CACNA1B: variants seen among roughly 807,000 people sequenced by gnomAD.
CACNA1B encodes the protein calcium voltage-gated channel subunit alpha1 B.
Under a neutral mutation model 247.2 loss-of-function variants are expected in CACNA1B, and 70 were observed. That is an observed-to-expected ratio of 0.28 (90% CI 0.23 to 0.35). CACNA1B has a LOEUF of 0.35. Ranked by LOEUF, CACNA1B falls within the 10% of genes least tolerant of loss-of-function variation. The pLI, the probability that CACNA1B is intolerant of heterozygous loss-of-function variation, is 1.00. For missense variants in CACNA1B, 2,367 were observed against 3,197.4 expected, an observed-to-expected ratio of 0.74 and a Z score of 6.26; for synonymous variants, 1,231 against 1,294.4, an observed-to-expected ratio of 0.95 and a Z score of 1.05.
intron 10 of CACNA1B, among the ~76,000 whole-genome samples, chr9:137,961,485 ATG>A (rs1784984778): frequency 3.3e-5 from 5 of 152,186 alleles, no homozygotes; most frequent in Admixed American, 6.5e-5. Flanking sequence ...CCCATTCATG[ATG>A]ATATTGGCTA....
chr9:137,970,136 CAT>C lies in CACNA1B; in HGVS notation c.1334-1244_1334-1243del, dbSNP rs552990472. On this transcript the variant is annotated intron_variant, in intron 10 of 46. Transcript: ENST00000371372. ...GCCACTGAGAACCTGGGTGTGCACACATATGCATGTGTGTACAAACACACAGA... is the reference window on the plus strand; with the variant it reads ...GCCACTGAGAACCTGGGTGTGCACACATGCATGTGTGTACAAACACACAGA... Among the ~76,000 whole-genome samples the C allele has an allele frequency of 1.1e-4, 17 of 152,308 alleles. 1 individual carries two copies. In the South Asian group the frequency reaches 3.5e-3, roughly 32 times the overall value.
intron 15 of CACNA1B, among the ~76,000 whole-genome samples, chr9:138,003,983 A>C (rs933892459): frequency 2.6e-5 from 4 of 152,010 alleles, no homozygotes; most frequent in African/African-American, 9.7e-5. Flanking sequence ...TGACAGTGCC[A>C]TGGGTGGTGT....
At position 137,881,519 on chromosome 9, in the gene CACNA1B, C is replaced by A. The variant is rs1009298354; in HGVS notation, c.391-1225C>A. Among the ~76,000 whole-genome samples, 5 of 152,154 alleles carry A rather than the reference C, an allele frequency of 3.3e-5. No homozygotes were observed. Among genetic ancestry groups the A allele is most frequent in the African/African-American group, 9.7e-5 (4 of 41,438 alleles). On this transcript the variant is annotated intron_variant, in intron 2 of 46. Coordinates refer to ENST00000371372, the MANE Select transcript of CACNA1B (RefSeq NM_000718.4). This position sits in a 1 kb window ranked among gnomAD's most constrained non-coding sequence, Gnocchi z 4.3. ...TGACTTCCACAGTCCTGAAGACGAACCCTCAGGGGAGGCCCTTGAAGCTGG... is the reference window on the plus strand; with the variant it reads ...TGACTTCCACAGTCCTGAAGACGAAACCTCAGGGGAGGCCCTTGAAGCTGG...
intron 36 of CACNA1B, among the ~76,000 whole-genome samples, chr9:138,086,214 C>T (rs574534216): frequency 2.0e-5 from 3 of 151,110 alleles, no homozygotes; most frequent in African/African-American, 7.4e-5. Flanking sequence ...TTAAATGACC[C>T]AACTATATAC....
intron 20 of CACNA1B, among the ~76,000 whole-genome samples, chr9:138,031,746 G>T (rs1958990446): frequency 6.6e-6 from 1 of 152,138 alleles, no homozygotes; most frequent in Admixed American, 6.6e-5. Context: ...TTTAATTGTT[G>T]TGTAACGTCC....
rs2133504113 is a variant in CACNA1B at position 138,058,290 on chromosome 9, G to A, written c.4308+40G>A. ...TGTGGAGTCTTGCAGTGGACAGCGT[G>A]GGCAGCGCCATCAGGCTTCCCTCCT... On this transcript the variant is annotated intron_variant, in intron 28 of 46. Transcript: ENST00000371372. This position sits in a 1 kb window ranked among gnomAD's most constrained non-coding sequence, Gnocchi z 4.7. 2 of 1,509,326 alleles carry A rather than the reference G, an allele frequency of 1.3e-6. No individual in the cohort carries two copies. The highest frequency in any genetic ancestry group is 2.3e-5 in the East Asian group (1 of 44,286). The allele number at this position is 1,509,326 out of a possible 1,614,324, so 93.5% of individuals were successfully genotyped here. A position where few individuals can be genotyped will look rare whatever the true frequency, so the allele number is the denominator to read the frequency against.
In CACNA1B at chr9:137,950,967, C is replaced by A. The variant is rs576030769; in HGVS notation, c.967-1307C>A. Among the ~76,000 whole-genome samples the A allele has an allele frequency of 2.4e-4, 37 of 152,336 alleles. No individual in the cohort carries two copies. In the East Asian group the frequency reaches 6.8e-3, roughly 28 times the overall value. On this transcript the variant is annotated intron_variant, in intron 6 of 46. Transcript: ENST00000371372. This position sits in a 1 kb window ranked among gnomAD's most constrained non-coding sequence, Gnocchi z 4.8. ...GAGAGGAATTAGAGCCAGTTGGCTA[C>A]TGATGGGAACACTCCACTGGGGAGG...
In CACNA1B at chr9:138,013,157, A is replaced by G. The variant is rs1474661059; in HGVS notation, c.2189A>G (p.Asn730Ser). ...GAAGAGGAGATGGAAGAAGCAGCCA[A>G]TCAGAAGCTTGCTCTGCAAAAGGCC... ...KDEEEMEEAA[N>S]QKLALQKAKE... Residue 730 changes from asparagine to serine, a missense_variant, in exon 18 of 47, where the codon AAT becomes AGT. Physicochemically the swap from Asn to Ser is conservative, Grantham distance 46. Around this residue, in one of 12 missense-constraint regions of CACNA1B, gnomAD observed 76 missense variants for 191.0 expected, o/e 0.40. Transcript: ENST00000371372. 2 of 1,613,528 alleles carry G rather than the reference A, an allele frequency of 1.2e-6. No individual in the cohort carries two copies. The highest frequency in any genetic ancestry group is 2.2e-5 in the South Asian group (2 of 91,032).
Position 137,957,807 on chromosome 9 carries a change from C to T in CACNA1B, c.1333+120C>T, listed in dbSNP as rs1957967829. ...CCCTTCTTGCCCAAACGCCTGCAGG[C>T]TCCTTTCAGACAGTTTGCTGCTCCT... On this transcript the variant is annotated intron_variant, in intron 10 of 46. Transcript: ENST00000371372. The surrounding 1 kb of genome is among the most constrained non-coding windows in gnomAD (Gnocchi z 4.7). 2 of 617,640 alleles carry T rather than the reference C, an allele frequency of 3.2e-6. No individual in the cohort carries two copies. The highest frequency in any genetic ancestry group is 5.5e-6 in the Non-Finnish European group (2 of 363,124). The allele number at this position is 617,640 out of a possible 1,614,324, so 38.3% of individuals were successfully genotyped here.
In CACNA1B at chr9:138,049,307, T is replaced by TGCTTTCTCGTAAGTAACGTTC. The variant is rs2133484244; in HGVS notation, c.3706_3710+16dup. Reference sequence around the variant, plus strand: ...TGGTCAGTGGCGCCCTGGTGGCGTTTGCTTTCTCGTAAGTAACGTTCGCTC... The same window carrying TGCTTTCTCGTAAGTAACGTTC: ...TGGTCAGTGGCGCCCTGGTGGCGTTTGCTTTCTCGTAAGTAACGTTCGCTTTCTCGTAAGTAACGTTCGCTC... On this transcript the variant is annotated stop_gained and inframe_insertion, in exon 24 of 47. Coordinates refer to ENST00000371372, the MANE Select transcript of CACNA1B (RefSeq NM_000718.4). LOFTEE classifies it high-confidence loss of function. The TGCTTTCTCGTAAGTAACGTTC allele has an allele frequency of 1.9e-6, 3 of 1,602,172 alleles. No individual in the cohort carries two copies. The highest frequency in any genetic ancestry group is 2.6e-6 in the Non-Finnish European group (3 of 1,169,058).
At position 138,073,616 on chromosome 9, in the gene CACNA1B, G is replaced by C. The variant is rs1345108582; in HGVS notation, c.4791+12G>C. On this transcript the variant is annotated intron_variant, in intron 33 of 46. Coordinates refer to ENST00000371372, the MANE Select transcript of CACNA1B (RefSeq NM_000718.4). This position sits in a 1 kb window ranked among gnomAD's most constrained non-coding sequence, Gnocchi z 6.4. Reference sequence around the variant, plus strand: ...TCCAGTCCTTCAAGGTGGGCCAGGCGGGGGGCCTCCATGCTTTCTGTCCCC... The same window carrying C: ...TCCAGTCCTTCAAGGTGGGCCAGGCCGGGGGCCTCCATGCTTTCTGTCCCC... 4.8e-6 allele frequency: 7 copies of C among 1,445,440 alleles called. No homozygotes were observed. The highest frequency in any genetic ancestry group is 5.8e-6 in the Non-Finnish European group (6 of 1,026,364). 89.5% of individuals were successfully genotyped at this position (1,445,440 alleles called of 1,614,324 possible). A position where few individuals can be genotyped will look rare whatever the true frequency, so the allele number is the denominator to read the frequency against.
chr9:137,991,379 C>T (rs1000879323), intron 15 of CACNA1B, among the ~76,000 whole-genome samples: 1 of 152,160 alleles, frequency 6.6e-6, no homozygotes, highest in African/African-American at 2.4e-5. Flanking sequence ...CCATCAGAGA[C>T]AGAAGAATTT....
chr9:137,997,049 C>T (rs1958509127), intron 15 of CACNA1B, among the ~76,000 whole-genome samples: 1 of 152,162 alleles, frequency 6.6e-6, no homozygotes, highest in Admixed American at 6.5e-5. Context: ...TGTAATTTGT[C>T]ACACTAACAG....
At chr9:137,962,400 C>T (rs1958031009) in intron 10 of CACNA1B, among the ~76,000 whole-genome samples, 1 of 148,922 alleles carries the variant, frequency 6.7e-6, no homozygotes. Flanking sequence ...CAGTTCAGCT[C>T]TGATCTTAGT....
At chr9:138,038,096 G>A (rs2133460140) in intron 20 of CACNA1B, among the ~76,000 whole-genome samples, 1 of 152,210 alleles carries the variant, frequency 6.6e-6, no homozygotes, top group South Asian at 2.1e-4. Flanking sequence ...ATGAATCAAT[G>A]CCCTATTAAC....
At position 138,024,966 on chromosome 9, in the gene CACNA1B, G is replaced by A. The variant is rs892687302; in HGVS notation, c.3080G>A (p.Cys1027Tyr). The change falls in exon 20 of 47, where the codon TGT becomes TAT. Residue 1027 changes from cysteine to tyrosine, a missense_variant. Physicochemically the swap from Cys to Tyr is radical, Grantham distance 194. Transcript: ENST00000371372. ...LRNHQPREPH[C>Y]DLETSGTVTV... is the part of the protein sequence containing the mutation. ...ATTCTTGATTGCAGGGAGCCACACT[G>A]TGACCTGGAGACCAGTGGGACTGTG... The A allele has an allele frequency of 8.2e-6, 13 of 1,578,168 alleles. No individual in the cohort carries two copies. The highest frequency in any genetic ancestry group is 1.1e-5 in the Non-Finnish European group (13 of 1,161,956).
intron 20 of CACNA1B, among the ~76,000 whole-genome samples, chr9:138,033,690 G>A (rs1411427780): frequency 6.6e-6 from 1 of 152,164 alleles, no homozygotes; most frequent in Non-Finnish European, 1.5e-5. Flanking sequence ...TAAAATCATG[G>A]CGGTAGGCAA....
chr9:137,894,546 C>T, intron 3 of CACNA1B, among the ~76,000 whole-genome samples: 1 of 151,984 alleles, frequency 6.6e-6, no homozygotes, highest in Non-Finnish European at 1.5e-5. Flanking sequence ...GTAGCTGGGA[C>T]TGCAGGCGCC....
chr9:138,095,523 G>A (rs1277616647), intron 36 of CACNA1B, among the ~76,000 whole-genome samples: 2 of 152,166 alleles, frequency 1.3e-5, no homozygotes, highest in African/African-American at 2.4e-5. Context: ...CAGTAGGAAT[G>A]TAAAATGCAC....
Sources: allele counts gnomAD v4.1 joint callset (sites outside exome capture counted in the v4.1 genomes callset), GRCh38; gene constraint gnomAD v4.1.1; regional missense constraint gnomAD v4.1.1; non-coding constraint Gnocchi (gnomAD v3.1); transcripts MANE v1.5; gene names NCBI Gene and HGNC (gene_info 2026-07-23, HGNC 2026-07-21).